The following DCST2 variants were observed in gnomAD, a reference collection of about 807,000 sequenced individuals.
DCST2 encodes the protein DC-STAMP domain containing 2.
DCST2 carries 64 observed loss-of-function variants against 81.8 expected under a neutral mutation model. That is an observed-to-expected ratio of 0.78 (90% CI 0.64 to 0.96). The LOEUF (loss-of-function observed/expected upper bound fraction) is 0.96. Among genes scored for constraint, DCST2 ranks in the 40% least tolerant of loss-of-function variants. DCST2 has a pLI of 0.00. For missense variants in DCST2, 945 were observed against 1,001.4 expected, an observed-to-expected ratio of 0.94 and a Z score of 0.76; for synonymous variants, 354 against 402.6, an observed-to-expected ratio of 0.88 and a Z score of 1.44.
rs1571549349 is a variant in DCST2 at position 155,029,305 on chromosome 1, A to G, written c.1270T>C (p.Phe424Leu). Residue 424 changes from phenylalanine (F) to leucine (L), a missense_variant, in exon 8 of 15, where the codon TTC becomes CTC. By Grantham distance (22) the Phe-to-Leu change is conservative. Transcript: ENST00000368424. ...RHLLLVLFLV[F>L]LDYAVFWVLD... ...ACCCAGAAGACAGCATAGTCTAGGA[A>G]GACTAGGAACAGCACGAGGAGGAGG... The G allele has an allele frequency of 6.2e-7, 1 of 1,614,138 alleles. No individual in the cohort carries two copies. The highest frequency in any genetic ancestry group is 8.5e-7 in the Non-Finnish European group (1 of 1,180,008).
rs1388540773 is a variant in DCST2 at position 155,026,572 on chromosome 1, C to T, written c.1486G>A (p.Asp496Asn). 1 of 1,614,096 alleles carries T rather than the reference C, an allele frequency of 6.2e-7. No individual in the cohort carries two copies. The highest frequency in any genetic ancestry group is 2.2e-5 in the East Asian group (1 of 44,902). Residue 496 changes from aspartate (D) to asparagine (N), a missense_variant, in exon 9 of 15, where the codon GAC (aspartate) becomes AAC (asparagine). Asp to Asn is a conservative substitution (Grantham distance 23, BLOSUM62 1). Coordinates refer to ENST00000368424, the MANE Select transcript of DCST2 (RefSeq NM_144622.3). ...CCAATGACTATGTAGCCAGTGCTGT[C>T]AGGCTCCGAGGGACGAAGGAGACAA... Reference protein sequence around the residue: ...RRCLLRPSEPDSTGYIVIGVM... With the variant: ...RRCLLRPSEPNSTGYIVIGVM...
intron 12 of DCST2, 31 bp from the exon 13 acceptor site, chr1:155,023,488 C>CCCGA: frequency 6.4e-7 from 1 of 1,558,938 alleles, no homozygotes. Context: ...TGGAGGTGAA[C>CCCGA]CCGAGTTCAC....
chr1:155,029,273 G>A lies in DCST2; in HGVS notation c.1302C>T (p.Asp434=). ...FLDYAVFWVL[D]LARHQLQGEI... is the part of the protein sequence containing the mutation. ...CCCCCTGCAGCTGGTGCCGGGCCAG[G>A]TCAAGCACCCAGAAGACAGCATAGT... The change falls in exon 8 of 15, where the codon GAC becomes GAT. Residue 434 remains aspartate, a synonymous_variant. Transcript: ENST00000368424. The A allele has an allele frequency of 6.2e-7, 1 of 1,614,026 alleles. No homozygotes were observed. Among genetic ancestry groups the A allele is most frequent in the Non-Finnish European group, 8.5e-7 (1 of 1,179,956 alleles).
intron 14 of DCST2, among the ~76,000 whole-genome samples, chr1:155,019,402 A>G (rs972976651): frequency 1.3e-5 from 2 of 152,090 alleles, no homozygotes; most frequent in Admixed American, 6.5e-5. Context: ...GACCCACCCA[A>G]TTCTCTGGCC....
intron 14 of DCST2, among the ~76,000 whole-genome samples, chr1:155,022,173 TG>T (rs1208763925): frequency 1.3e-5 from 2 of 152,320 alleles, no homozygotes; most frequent in Admixed American, 6.5e-5. Context: ...GGCCCGCTTA[TG>T]GTCTTAAAAG....
intron 14 of DCST2, among the ~76,000 whole-genome samples, chr1:155,021,947 A>G (rs1483013312): frequency 6.6e-6 from 1 of 151,188 alleles, no homozygotes; most frequent in South Asian, 2.1e-4. Flanking sequence ...GCTCACTGCA[A>G]TCTCTGCCTC....
At position 155,031,796 on chromosome 1, in the gene DCST2, C is replaced by T. The variant is rs768318378; in HGVS notation, c.542-25G>A. On this transcript the variant is annotated intron_variant, in intron 3 of 14. Coordinates refer to ENST00000368424, the MANE Select transcript of DCST2 (RefSeq NM_144622.3). Reference sequence around the variant, plus strand: ...GCTGGGGACAGCTGCAGGGTTGGCACCCAGGGCTGGAATCCTACAGCCTCT... The same window carrying T: ...GCTGGGGACAGCTGCAGGGTTGGCATCCAGGGCTGGAATCCTACAGCCTCT... 17 of 1,610,392 alleles carry T rather than the reference C, an allele frequency of 1.1e-5. 1 individual carries two copies. Among genetic ancestry groups the T allele is most frequent in the Non-Finnish European group, 1.2e-5 (14 of 1,178,868 alleles).
chr1:155,033,242 C>A lies in DCST2; in HGVS notation c.291G>T (p.Leu97Phe), dbSNP rs528535055. The change falls in exon 2 of 15, where the codon TTG (leucine) becomes TTT (phenylalanine). Residue 97 changes from leucine (L) to phenylalanine (F), a missense_variant. Coordinates refer to ENST00000368424, the MANE Select transcript of DCST2 (RefSeq NM_144622.3). ...AFSRQGRTLLLVAAFGLVLQG... is the reference protein window; with the variant it reads ...AFSRQGRTLLFVAAFGLVLQG... ...GAAGCACCAACCCAAAAGCAGCCACCAACAGTAGTGTCCGGCCCTGCCCTG... is the reference window on the plus strand; with the variant it reads ...GAAGCACCAACCCAAAAGCAGCCACAAACAGTAGTGTCCGGCCCTGCCCTG... 5.1e-5 allele frequency: 82 copies of A among 1,613,482 alleles called. No homozygotes were observed. In the Middle Eastern group the frequency reaches 1.5e-3, roughly 29 times the overall value.
At chr1:155,026,738 G>C in intron 8 of DCST2, 23 bp from the exon 9 acceptor site, 1 of 1,613,048 alleles carries the variant, frequency 6.2e-7, no homozygotes, top group Non-Finnish European at 8.5e-7. Context: ...CACTGTGTGA[G>C]TGACACTCAT....
intron 14 of DCST2, among the ~76,000 whole-genome samples, chr1:155,019,460 C>A (rs1417553723): frequency 8.5e-5 from 13 of 152,264 alleles, no homozygotes; most frequent in Non-Finnish European, 1.8e-4. Context: ...TCTCTGTTCC[C>A]ACTCAGACGT....
At chr1:155,025,792 C>T (rs1448116772) in intron 10 of DCST2, among the ~76,000 whole-genome samples, 2 of 151,706 alleles carry the variant, frequency 1.3e-5, no homozygotes, top group Non-Finnish European at 2.9e-5. Context: ...TTGAATTCCT[C>T]GGCTCAAGCG....
Position 155,031,579 on chromosome 1 carries a change from G to T in DCST2, c.734C>A (p.Ala245Asp). Residue 245 changes from alanine (A) to aspartate (D), a missense_variant, in exon 4 of 15, where the codon GCC (alanine) becomes GAC (aspartate). Ala to Asp is a moderately radical substitution (Grantham distance 126). Transcript: ENST00000368424. ...GCAGACCCTGGTTTTCTCACGGCTG[G>T]CAAGTCCACAGAGCGCCAGTTTGAA... ...MPFKLALCGL[A>D]SLVQVFCVIP... The T allele has an allele frequency of 6.2e-7, 1 of 1,613,254 alleles. No homozygotes were observed. The highest frequency in any genetic ancestry group is 8.5e-7 in the Non-Finnish European group (1 of 1,179,856).
rs1451374996 is a variant in DCST2 at position 155,030,111 on chromosome 1, GAGCACTGAGCGGT to G, written c.1137_1149del (p.Pro380ThrfsTer39). The G allele has an allele frequency of 6.2e-7, 1 of 1,613,958 alleles. No individual in the cohort carries two copies. On this transcript the variant is annotated frameshift_variant, in exon 7 of 15. Coordinates refer to ENST00000368424, the MANE Select transcript of DCST2 (RefSeq NM_144622.3). LOFTEE classifies it high-confidence loss of function. ...GGTGGGATGTAGCGCCTGGCCTCGT[GAGCACTGAGCGGT>G]AGCACTGTGGGCAGCCCTGCCGTGG...
chr1:155,032,818 G>A (rs953410552), intron 2 of DCST2, 50 bp from the exon 3 acceptor site: 1 of 1,521,380 alleles, frequency 6.6e-7, no homozygotes, highest in Admixed American at 1.7e-5. Flanking sequence ...TCTAGGGGCT[G>A]GTTCTCACCA....
chr1:155,018,664 C>T lies in DCST2; in HGVS notation c.2202G>A (p.Glu734=). ...HQPVSILTSP[E]PHRPPETSSA... ...AGGATGTCTCAGGTGGTCTGTGGGG[C>T]TCAGGGCTGGTGAGAATGCTGACAG... The change falls in exon 15 of 15, where the codon GAG becomes GAA. Residue 734 remains glutamate (E), a synonymous_variant. Transcript: ENST00000368424. The T allele has an allele frequency of 6.2e-7, 1 of 1,613,866 alleles. No homozygotes were observed. Among genetic ancestry groups the T allele is most frequent in the South Asian group, 1.1e-5 (1 of 91,066 alleles).
In DCST2 at chr1:155,023,156, AGCACTTCTTGGAGCTGTTGCT is replaced by A. The variant is rs1429357383; in HGVS notation, c.2045_2065del (p.Gln682_Val688del). 7 of 1,613,730 alleles carry A rather than the reference AGCACTTCTTGGAGCTGTTGCT, an allele frequency of 4.3e-6. No homozygotes were observed. Among genetic ancestry groups the A allele is most frequent in the Non-Finnish European group, 5.9e-6 (7 of 1,180,034 alleles). On this transcript the variant is annotated inframe_deletion, in exon 14 of 15. Coordinates refer to ENST00000368424, the MANE Select transcript of DCST2 (RefSeq NM_144622.3). The stretch of plus-strand genomic sequence containing the variant: ...GGACTCCATTGAGAGGCTCCTGCCG[AGCACTTCTTGGAGCTGTTGCT>A]GCAATAACCATGCCTGCTCAGGGTC...
intron 1 of DCST2, 82 bp downstream of exon 1, chr1:155,033,352 A>C: frequency 6.3e-7 from 1 of 1,585,898 alleles, no homozygotes; most frequent in Non-Finnish European, 8.6e-7. Context: ...TATTTCCCTT[A>C]ACCCCTGCCT....
chr1:155,027,238 C>T (rs1249493613), intron 8 of DCST2, among the ~76,000 whole-genome samples: 1 of 123,098 alleles, frequency 8.1e-6, no homozygotes, highest in Non-Finnish European at 1.6e-5. Flanking sequence ...GATAGGGTTT[C>T]ACCATGCTGG....
intron 3 of DCST2, 68 bp from the exon 4 acceptor site, chr1:155,031,839 A>G: frequency 6.7e-7 from 1 of 1,495,930 alleles, no homozygotes. Flanking sequence ...GTTTTGGGGA[A>G]CAATACCACA....
Sources: allele counts gnomAD v4.1 joint callset (sites outside exome capture counted in the v4.1 genomes callset), GRCh38; gene constraint gnomAD v4.1.1; transcripts MANE v1.5; gene names NCBI Gene and HGNC (gene_info 2026-07-23, HGNC 2026-07-21).